APBA1: variants seen among roughly 807,000 people sequenced by gnomAD.
APBA1 encodes amyloid-beta A4 precursor protein-binding family A member 1.
In APBA1, 55 loss-of-function variants were observed where a neutral mutation model predicts 86.6. The ratio of observed to expected loss-of-function variants is 0.64; its 90% CI spans 0.51 to 0.80. APBA1 has a LOEUF of 0.80. Among genes scored for constraint, APBA1 ranks in the 30% least tolerant of loss-of-function variants. The probability of loss-of-function intolerance (pLI) is 0.00; values close to 1 mark genes in which losing one functional copy is unlikely to be tolerated. For synonymous variants in APBA1, 511 were observed against 493.9 expected, an observed-to-expected ratio of 1.03 and a Z score of -0.46; for missense variants, 1,090 against 1,183.0, an observed-to-expected ratio of 0.92 and a Z score of 1.15.
intron 11 of APBA1, among the ~76,000 whole-genome samples, chr9:69,433,783 G>T (rs1834646033): frequency 6.6e-6 from 1 of 150,660 alleles, no homozygotes; most frequent in African/African-American, 2.4e-5. Context: ...AAATGTATTT[G>T]GAATGATATT....
At chr9:69,454,578 T>G (rs934066150) in intron 8 of APBA1, among the ~76,000 whole-genome samples, 1 of 152,196 alleles carries the variant, frequency 6.6e-6, no homozygotes, top group African/African-American at 2.4e-5. Context: ...TGCCCAATTC[T>G]GGAGCCAGCA....
chr9:69,609,359 A>G (rs1822536892), intron 1 of APBA1, among the ~76,000 whole-genome samples: 1 of 152,112 alleles, frequency 6.6e-6, no homozygotes, highest in African/African-American at 2.4e-5. Flanking sequence ...CCATACACAA[A>G]ATCCTTCTGC....
intron 1 of APBA1, among the ~76,000 whole-genome samples, chr9:69,527,091 A>G (rs1489623013): frequency 6.6e-6 from 1 of 152,042 alleles, no homozygotes; most frequent in Non-Finnish European, 1.5e-5. Flanking sequence ...GGGGAAGGAC[A>G]GAGGAGGGTA....
At chr9:69,554,790 G>GT (rs1255696883) in intron 1 of APBA1, among the ~76,000 whole-genome samples, 265 of 99,596 alleles carry the variant, frequency 2.7e-3, no homozygotes, top group African/African-American at 7.0e-3. Context: ...TATTTTTAGG[G>GT]TAAAAAAAAA....
At chr9:69,551,044 A>G (rs955941186) in intron 1 of APBA1, among the ~76,000 whole-genome samples, 14 of 152,224 alleles carry the variant, frequency 9.2e-5, no homozygotes, top group Admixed American at 3.3e-4. Context: ...GCTATGAGAA[A>G]AAATAGTATT....
At chr9:69,638,664 A>G (rs1047541778) in intron 1 of APBA1, among the ~76,000 whole-genome samples, 9 of 152,260 alleles carry the variant, frequency 5.9e-5, no homozygotes, top group African/African-American at 1.9e-4. Flanking sequence ...AGAACCACTC[A>G]GGTATCAAGT....
At chr9:69,596,761 G>A (rs942766654) in intron 1 of APBA1, among the ~76,000 whole-genome samples, 8 of 152,180 alleles carry the variant, frequency 5.3e-5, no homozygotes, top group African/African-American at 1.7e-4. Flanking sequence ...AGAAGCAGAG[G>A]GCAGATACTA....
Position 69,431,259 on chromosome 9 carries a change from G to A in APBA1, c.*68C>T, listed in dbSNP as rs992260698. On this transcript the variant is annotated 3_prime_UTR_variant, in exon 13 of 13. Coordinates refer to ENST00000265381, the MANE Select transcript of APBA1 (RefSeq NM_001163.4). ...AGGGGAAAGTCTCAGTGGACACAGG[G>A]ATGCAGCACGAGAAACACAACCACG... 9 of 1,281,400 alleles carry A rather than the reference G, an allele frequency of 7.0e-6. No homozygotes were observed. Among genetic ancestry groups the A allele is most frequent in the Middle Eastern group, 1.9e-4 (1 of 5,222 alleles). The allele number at this position is 1,281,400 out of a possible 1,614,324, so 79.4% of individuals were successfully genotyped here.
At chr9:69,568,091 G>A (rs1395830949) in intron 1 of APBA1, among the ~76,000 whole-genome samples, 2 of 152,176 alleles carry the variant, frequency 1.3e-5, no homozygotes, top group Non-Finnish European at 2.9e-5. Context: ...ACACTTCCTT[G>A]CAGTATGGAC....
At chr9:69,547,522 GT>G (rs1836716882) in intron 1 of APBA1, among the ~76,000 whole-genome samples, 2 of 152,168 alleles carry the variant, frequency 1.3e-5, no homozygotes, top group Non-Finnish European at 2.9e-5. Context: ...CAGGGTTGTT[GT>G]TTGGCTGGAC....
chr9:69,431,962 T>A (rs872519), intron 12 of APBA1, among the ~76,000 whole-genome samples: 2 of 135,344 alleles, frequency 1.5e-5, no homozygotes, highest in African/African-American at 7.5e-5. Flanking sequence ...GACAGCAGTG[T>A]TGACTGACAG....
chr9:69,485,272 G>C (rs931550264), intron 2 of APBA1, among the ~76,000 whole-genome samples: 1 of 152,046 alleles, frequency 6.6e-6, no homozygotes, highest in African/African-American at 2.4e-5. Flanking sequence ...AAATGTCAAG[G>C]GTGGACAAAC....
At chr9:69,530,384 C>T (rs1010584724) in intron 1 of APBA1, among the ~76,000 whole-genome samples, 2 of 148,010 alleles carry the variant, frequency 1.4e-5, no homozygotes, top group Non-Finnish European at 3.0e-5. Context: ...TACTATGCAG[C>T]CATAAAAAAG....
intron 1 of APBA1, among the ~76,000 whole-genome samples, chr9:69,603,177 C>A (rs532884995): frequency 6.6e-6 from 1 of 152,240 alleles, no homozygotes; most frequent in Non-Finnish European, 1.5e-5. Context: ...AAACCACCAT[C>A]TGAGCCCAAT....
At chr9:69,573,613 A>C (rs138333802) in intron 1 of APBA1, among the ~76,000 whole-genome samples, 47 of 152,258 alleles carry the variant, frequency 3.1e-4, no homozygotes, top group African/African-American at 1.1e-3. Flanking sequence ...AGTCTTTTGT[A>C]TTTACTGCTG....
At chr9:69,446,419 T>TTCATCTTCATCA (rs1317139020) in intron 10 of APBA1, among the ~76,000 whole-genome samples, 5 of 152,232 alleles carry the variant, frequency 3.3e-5, no homozygotes, top group Non-Finnish European at 7.3e-5. Flanking sequence ...TTTCTTACTC[T>TTCATCTTCATCA]TCATCTTCAT....
chr9:69,570,348 C>A (rs1161959151), intron 1 of APBA1, among the ~76,000 whole-genome samples: 1 of 152,072 alleles, frequency 6.6e-6, no homozygotes, highest in Non-Finnish European at 1.5e-5. Context: ...TTCAAAGATT[C>A]CCAGAGAAAA....
At chr9:69,605,179 C>T (rs1289430527) in intron 1 of APBA1, among the ~76,000 whole-genome samples, 2 of 152,028 alleles carry the variant, frequency 1.3e-5, no homozygotes, top group Non-Finnish European at 2.9e-5. Context: ...CCAAACAGCT[C>T]ATATTTATAT....
chr9:69,576,728 G>A (rs1318462241), intron 1 of APBA1, among the ~76,000 whole-genome samples: 1 of 152,122 alleles, frequency 6.6e-6, no homozygotes, highest in Non-Finnish European at 1.5e-5. Flanking sequence ...AGCGGGGAGG[G>A]ATAGCATTAG....
Sources: allele counts gnomAD v4.1 joint callset (sites outside exome capture counted in the v4.1 genomes callset), GRCh38; gene constraint gnomAD v4.1.1; transcripts MANE v1.5; gene names NCBI Gene and HGNC (gene_info 2026-07-23, HGNC 2026-07-21).